Variants in GNAI1 observed in about 807,000 individuals in gnomAD.
The protein encoded by GNAI1 is G protein subunit alpha i1, also known as guanine nucleotide-binding protein G(i) subunit alpha-1.
A neutral mutation model predicts 38.9 loss-of-function variants in GNAI1; 11 were observed. The observed-to-expected ratio is 0.28, with a 90% CI of 0.18 to 0.47. The LOEUF is 0.47. GNAI1 is among the 20% of genes least tolerant of loss of function. The pLI is 0.99. For synonymous variants in GNAI1, 166 were observed against 145.1 expected (o/e 1.14, Z -1.04); for missense variants, 317 against 436.9 (o/e 0.73, Z 2.45).
chr7:80,135,971 A>ATT, intron 1 of GNAI1: 1 of 985,298 alleles, frequency 1.0e-6, no homozygotes, highest in Non-Finnish European at 1.2e-6. Flanking sequence ...GGCAAGGCAG[A>ATT]TACTCGAGTG....
At chr7:80,185,601 G>A (rs940260757) in intron 1 of GNAI1, among the ~76,000 whole-genome samples, 11 of 152,022 alleles carry the variant, frequency 7.2e-5, no homozygotes, top group Non-Finnish European at 1.6e-4. Flanking sequence ...ATAGATTTGC[G>A]GTTTCCTCTA....
chr7:80,165,850 G>T (rs1435454521), intron 1 of GNAI1, among the ~76,000 whole-genome samples: 1 of 152,100 alleles, frequency 6.6e-6, no homozygotes, highest in Non-Finnish European at 1.5e-5. Context: ...AAAATACTTT[G>T]ATAGCAGTTA....
At chr7:80,141,128 A>G (rs1787518663) in intron 1 of GNAI1, among the ~76,000 whole-genome samples, 1 of 152,210 alleles carries the variant, frequency 6.6e-6, no homozygotes, top group African/African-American at 2.4e-5. Flanking sequence ...CTGTGAGGTG[A>G]CATATTCACA....
chr7:80,212,802 C>T lies in GNAI1; in HGVS notation c.807C>T (p.Asn269=), dbSNP rs1277446306. Residue 269 remains asparagine (N), a synonymous_variant, in exon 7 of 8, where the codon AAC becomes AAT. Coordinates refer to ENST00000649796, the MANE Select transcript of GNAI1 (RefSeq NM_002069.6). ...FTDTSIILFL[N]KKDLFEEKIK... ...ATACATCCATTATACTTTTTCTAAA[C>T]AAGAAGGATCTCTTTGAAGAAAAAA... 1.9e-6 allele frequency: 3 copies of T among 1,575,826 alleles called. No homozygotes were observed. The highest frequency in any genetic ancestry group is 1.7e-6 in the Non-Finnish European group (2 of 1,160,056).
chr7:80,143,707 C>CTACT (rs1024973310), intron 1 of GNAI1, among the ~76,000 whole-genome samples: 9 of 152,058 alleles, frequency 5.9e-5, no homozygotes, highest in African/African-American at 2.2e-4. Flanking sequence ...ATAAATATAT[C>CTACT]TACTTCATAG....
intron 1 of GNAI1, among the ~76,000 whole-genome samples, chr7:80,176,427 A>G (rs1452796167): frequency 1.3e-5 from 2 of 152,320 alleles, no homozygotes; most frequent in African/African-American, 2.4e-5. Flanking sequence ...GATGAAGATG[A>G]CTACACTAAA....
At chr7:80,204,225 TAAG>T (rs1404178768) in intron 5 of GNAI1, among the ~76,000 whole-genome samples, 2 of 152,122 alleles carry the variant, frequency 1.3e-5, no homozygotes, top group African/African-American at 4.8e-5. Flanking sequence ...ATGGAAATAT[TAAG>T]AAGAGCACCT....
At chr7:80,175,008 G>A (rs1423675405) in intron 1 of GNAI1, among the ~76,000 whole-genome samples, 4 of 152,140 alleles carry the variant, frequency 2.6e-5, no homozygotes, top group African/African-American at 9.7e-5. Context: ...CAGTACTCCT[G>A]TATACCAAAG....
intron 1 of GNAI1, among the ~76,000 whole-genome samples, chr7:80,142,513 T>C (rs1291025665): frequency 6.6e-6 from 1 of 152,244 alleles, no homozygotes; most frequent in Non-Finnish European, 1.5e-5. Context: ...TTTTATTTTT[T>C]ATTGTCTGTT....
At chr7:80,174,162 A>T (rs1788143372) in intron 1 of GNAI1, among the ~76,000 whole-genome samples, 1 of 152,230 alleles carries the variant, frequency 6.6e-6, no homozygotes. Flanking sequence ...CTTAAATCAT[A>T]GAGATACCAT....
intron 4 of GNAI1, among the ~76,000 whole-genome samples, chr7:80,203,066 T>C (rs1028254385): frequency 6.6e-6 from 1 of 152,208 alleles, no homozygotes; most frequent in African/African-American, 2.4e-5. Flanking sequence ...ATCTCTTACA[T>C]TGCATGGTAT....
At chr7:80,168,816 T>C (rs559264812) in intron 1 of GNAI1, among the ~76,000 whole-genome samples, 33 of 152,320 alleles carry the variant, frequency 2.2e-4, no homozygotes, top group Non-Finnish European at 4.7e-4. Context: ...TAAATCCCCA[T>C]TGCTTCTTCA....
intron 4 of GNAI1, among the ~76,000 whole-genome samples, chr7:80,200,344 A>AAAAAAAAAAC (rs1788661491): frequency 6.6e-6 from 1 of 150,458 alleles, no homozygotes; most frequent in Non-Finnish European, 1.5e-5. Context: ...AAAAAAAAAA[A>AAAAAAAAAAC]AAACCTAATC....
chr7:80,207,736 T>C (rs2115696761), intron 5 of GNAI1, among the ~76,000 whole-genome samples: 1 of 152,228 alleles, frequency 6.6e-6, no homozygotes, highest in Non-Finnish European at 1.5e-5. Context: ...TAATTCTGTT[T>C]AATTTTAACT....
intron 1 of GNAI1, among the ~76,000 whole-genome samples, chr7:80,187,775 A>G (rs1030442959): frequency 6.6e-6 from 1 of 152,348 alleles, no homozygotes; most frequent in Admixed American, 6.5e-5. Context: ...TAGACTTGTC[A>G]TATCTTCCAT....
chr7:80,225,075 T>C lies in GNAI1; in HGVS notation c.*7582T>C, dbSNP rs1443333838. On this transcript the variant is annotated 3_prime_UTR_variant, in exon 8 of 8. Coordinates refer to ENST00000649796, the MANE Select transcript of GNAI1 (RefSeq NM_002069.6). ...TGCTAAAATTTGAATGTGGAAGATGTGGGTCTTGGTGTCTTGAATAAATCA... is the reference window on the plus strand; with the variant it reads ...TGCTAAAATTTGAATGTGGAAGATGCGGGTCTTGGTGTCTTGAATAAATCA... Among the ~76,000 whole-genome samples, 1 of 152,198 alleles carries C rather than the reference T, an allele frequency of 6.6e-6. No homozygotes were observed. Among genetic ancestry groups the C allele is most frequent in the Non-Finnish European group, 1.5e-5 (1 of 68,040 alleles).
In GNAI1 at chr7:80,203,710, G is replaced by A. The variant is rs12721456; in HGVS notation, c.468G>A (p.Leu156=). 27,030 of 1,569,534 alleles carry A rather than the reference G, an allele frequency of 0.017. 295 individuals carry two copies. Among genetic ancestry groups the A allele is most frequent in the Non-Finnish European group, 0.02 (22,587 of 1,152,600 alleles). ...TTTGTTTAATTTTTTTCAGCTATTT[G>A]AATGACTTGGACAGAATAGCTCAAC... ...YQLNDSAAYY[L]NDLDRIAQPN... is the part of the protein sequence containing the mutation. Residue 156 remains leucine (L), a synonymous_variant, in exon 5 of 8, where the codon TTG becomes TTA. Coordinates refer to ENST00000649796, the MANE Select transcript of GNAI1 (RefSeq NM_002069.6).
intron 1 of GNAI1, among the ~76,000 whole-genome samples, chr7:80,169,102 A>C (rs1407163482): frequency 6.6e-6 from 1 of 152,180 alleles, no homozygotes; most frequent in Non-Finnish European, 1.5e-5. Flanking sequence ...GTCATAAACT[A>C]TGATTTTCCC....
chr7:80,172,445 A>G (rs1212237469), intron 1 of GNAI1, among the ~76,000 whole-genome samples: 1 of 152,332 alleles, frequency 6.6e-6, no homozygotes, highest in African/African-American at 2.4e-5. Context: ...TCTTAAGGGA[A>G]CTTCTAAAAA....
Sources: allele counts gnomAD v4.1 joint callset (sites outside exome capture counted in the v4.1 genomes callset), GRCh38; gene constraint gnomAD v4.1.1; transcripts MANE v1.5; gene names NCBI Gene and HGNC (gene_info 2026-07-23, HGNC 2026-07-21).